FILIP1: variants seen among roughly 807,000 people sequenced by gnomAD.
FILIP1 encodes the protein filamin A interacting protein 1.
A neutral mutation model predicts 102.1 loss-of-function variants in FILIP1; 61 were observed. That is an observed-to-expected ratio of 0.60 (90% CI 0.49 to 0.74). The LOEUF (loss-of-function observed/expected upper bound fraction) is 0.74, where lower values mean the gene tolerates loss of function less well. Among genes scored for constraint, FILIP1 ranks in the 30% least tolerant of loss-of-function variants. The pLI is 0.00. For synonymous variants in FILIP1, 491 were observed against 526.9 expected (o/e 0.93, Z 0.93); for missense variants, 1,314 against 1,441.2 (o/e 0.91, Z 1.43).
In FILIP1 at chr6:75,319,337, AT is replaced by A. The variant is rs1773558701; in HGVS notation, c.630-4136del. 9.3e-6 allele frequency: 6 copies of A among 643,780 alleles called. 1 individual carries two copies. The highest frequency in any genetic ancestry group is 1.8e-5 in the African/African-American group (1 of 54,706). The allele number at this position is 643,780 out of a possible 1,614,324, so 39.9% of individuals were successfully genotyped here. ...GATGTTCTTCTTTGATTTTTGGGCG[AT>A]ACTCAGAGCAGAACATGAAAAAGGC... On this transcript the variant is annotated intron_variant, in intron 4 of 5. Transcript: ENST00000237172.
At chr6:75,315,657 T>A (rs1416233241) in intron 4 of FILIP1, among the ~76,000 whole-genome samples, 1 of 152,250 alleles carries the variant, frequency 6.6e-6, no homozygotes, top group Admixed American at 6.5e-5. Flanking sequence ...CTATGAGATA[T>A]GTATTGCTAC....
intron 2 of FILIP1, among the ~76,000 whole-genome samples, chr6:75,371,292 G>C (rs1269186125): frequency 6.6e-6 from 1 of 152,154 alleles, no homozygotes; most frequent in East Asian, 1.9e-4. Context: ...CCTATATAGA[G>C]CTTGTTCATA....
chr6:75,292,285 C>T (rs1248683165), exon 7 of FILIP1: 1 of 152,082 alleles, frequency 6.6e-6, no homozygotes, highest in African/African-American at 2.4e-5. Context: ...AATTTTAAAA[C>T]AAAATCTAGA....
chr6:75,372,691 GAAA>G (rs1775587652), intron 2 of FILIP1, among the ~76,000 whole-genome samples: 2 of 33,990 alleles, frequency 5.9e-5, no homozygotes, highest in African/African-American at 1.8e-4. Context: ...GAAAGAGAAA[GAAA>G]GAGAAAGAAA....
At chr6:75,349,768 C>G (rs1333683327) in intron 4 of FILIP1, among the ~76,000 whole-genome samples, 1 of 152,162 alleles carries the variant, frequency 6.6e-6, no homozygotes, top group Admixed American at 6.5e-5. Flanking sequence ...TGGCAGAGCC[C>G]CAGGGATGCA....
intron 1 of FILIP1, among the ~76,000 whole-genome samples, chr6:75,455,977 C>G (rs575620149): frequency 1.3e-5 from 2 of 152,242 alleles, no homozygotes; most frequent in Admixed American, 1.3e-4. Context: ...AACTTTTATA[C>G]CTTGACGTCT....
chr6:75,448,598 A>G (rs1778516533), intron 1 of FILIP1, among the ~76,000 whole-genome samples: 1 of 152,150 alleles, frequency 6.6e-6, no homozygotes, highest in African/African-American at 2.4e-5. Context: ...TTTGCAATCT[A>G]TGCATCCAAC....
intron 2 of FILIP1, among the ~76,000 whole-genome samples, chr6:75,401,407 C>T (rs899579707): frequency 8.5e-5 from 13 of 152,142 alleles, no homozygotes; most frequent in Non-Finnish European, 1.3e-4. Context: ...AAGAGAATCT[C>T]CTTGGTGTTA....
intron 1 of FILIP1, among the ~76,000 whole-genome samples, chr6:75,431,200 A>C (rs1474453127): frequency 6.6e-6 from 1 of 152,216 alleles, no homozygotes; most frequent in Non-Finnish European, 1.5e-5. Flanking sequence ...TTCTATAGTT[A>C]CACATCAAGA....
chr6:75,397,489 T>TGA (rs1491386107), intron 2 of FILIP1, among the ~76,000 whole-genome samples: 2 of 79,270 alleles, frequency 2.5e-5, no homozygotes, highest in African/African-American at 1.1e-4. Flanking sequence ...TAAATATATA[T>TGA]GTGTATATAT....
chr6:75,415,437 A>T (rs1007814465), intron 1 of FILIP1, among the ~76,000 whole-genome samples: 1 of 151,616 alleles, frequency 6.6e-6, no homozygotes, highest in South Asian at 2.1e-4. Context: ...AAATAAATAA[A>T]TAAAAACTGT....
chr6:75,473,799 T>C (rs553346627), intron 1 of FILIP1: 2 of 152,138 alleles, frequency 1.3e-5, no homozygotes, highest in Non-Finnish European at 2.9e-5. Flanking sequence ...TTTCCCACAT[T>C]TGGGGAAACC....
At chr6:75,325,514 C>T (rs1227024774) in intron 4 of FILIP1, among the ~76,000 whole-genome samples, 1 of 152,108 alleles carries the variant, frequency 6.6e-6, no homozygotes, top group Non-Finnish European at 1.5e-5. Context: ...GACTAATATC[C>T]AGAATTTATA....
intron 2 of FILIP1, among the ~76,000 whole-genome samples, chr6:75,393,115 T>C (rs1776336840): frequency 1.3e-5 from 2 of 152,182 alleles, no homozygotes; most frequent in South Asian, 4.1e-4. Context: ...GAGGTTCACA[T>C]TGACTCAGAA....
rs191346784 is a variant in FILIP1 at position 75,426,284 on chromosome 6, A to G, written c.-6-11306T>C. ...AAAAATGCCACTTCTTCTCTTCCAG[A>G]TAAACCAAAAGAGGACATGAACATA... On this transcript the variant is annotated intron_variant, in intron 1 of 5. Coordinates refer to ENST00000237172, the MANE Select transcript of FILIP1 (RefSeq NM_015687.5). 1.1e-3 allele frequency among the ~76,000 whole-genome samples: 160 copies of G among 152,330 alleles called. 1 individual carries two copies. Among genetic ancestry groups the G allele is most frequent in the Middle Eastern group, 3.4e-3 (1 of 294 alleles).
chr6:75,331,960 G>A (rs1711712898), intron 4 of FILIP1, among the ~76,000 whole-genome samples: 1 of 152,196 alleles, frequency 6.6e-6, no homozygotes, highest in Admixed American at 6.6e-5. Context: ...AGGGATCCCA[G>A]AGGGCTCTCA....
chr6:75,306,764 AT>A (rs1772999277), downstream of FILIP1, among the ~76,000 whole-genome samples: 1 of 144,712 alleles, frequency 6.9e-6, no homozygotes, highest in Non-Finnish European at 1.5e-5. Flanking sequence ...TTCCTTTTTT[AT>A]TTTTTGAGAC....
chr6:75,443,247 C>T (rs1244530427), intron 1 of FILIP1, among the ~76,000 whole-genome samples: 1 of 152,028 alleles, frequency 6.6e-6, no homozygotes, highest in Admixed American at 6.6e-5. Flanking sequence ...CTGTTTGTAA[C>T]ATAATCAAGC....
At chr6:75,493,032 T>C (rs1473397340) in intron 1 of FILIP1, among the ~76,000 whole-genome samples, 5 of 152,230 alleles carry the variant, frequency 3.3e-5, no homozygotes, top group Non-Finnish European at 7.3e-5. Flanking sequence ...CTAGTTTCAG[T>C]AAATGAAAGT....
Sources: gnomAD v4.1 joint callset for allele counts (sites outside exome capture counted in the v4.1 genomes callset) on GRCh38, gnomAD v4.1.1 for gene constraint, MANE v1.5 for transcripts, NCBI Gene and HGNC (gene_info 2026-07-23, HGNC 2026-07-21) for gene names.